The following TTC34 variants were observed in gnomAD, a reference collection of about 807,000 sequenced individuals.
The protein encoded by TTC34 is tetratricopeptide repeat domain 34, also known as tetratricopeptide repeat protein 34.
Under a neutral mutation model 40.7 loss-of-function variants are expected in TTC34, and 44 were observed. The ratio of observed to expected loss-of-function variants is 1.08; its 90% CI spans 0.85 to 1.39. The LOEUF is 1.39. Ranked by LOEUF, TTC34 falls within the 40% of genes most tolerant of loss-of-function variation. The probability of loss-of-function intolerance (pLI) is 0.00; values close to 1 mark genes in which losing one functional copy is unlikely to be tolerated. For synonymous variants in TTC34, 422 were observed against 398.6 expected (o/e 1.06, Z -0.70); for missense variants, 884 against 838.0 (o/e 1.05, Z -0.68).
chr1:2,796,271 A>G lies in TTC34; in HGVS notation c.784+3773T>C, dbSNP rs1643709507. ...AGCGACTGGTTTGTGCAATGTTTCC[A>G]AGGACTTTGGAAAGTAACCTCCAGA... On this transcript the variant is annotated intron_variant, in intron 2 of 8. Transcript: ENST00000401095. The surrounding 1 kb of genome is among the most constrained non-coding windows in gnomAD (Gnocchi z 4.5). 6.6e-6 allele frequency among the ~76,000 whole-genome samples: 1 copy of G among 152,224 alleles called. No individual in the cohort carries two copies. Among genetic ancestry groups the G allele is most frequent in the Admixed American group, 6.5e-5 (1 of 15,288 alleles).
chr1:2,762,094 C>T lies in TTC34; in HGVS notation c.2226+21515G>A, dbSNP rs1270887732. On this transcript the variant is annotated intron_variant, in intron 6 of 8. Coordinates refer to ENST00000401095, the Ensembl canonical transcript of TTC34. Reference sequence around the variant, plus strand: ...CAGCCTGGAGCAGCACACACAACCCCAGGCGAGCATCTGACAGCCTGGAGC... The same window carrying T: ...CAGCCTGGAGCAGCACACACAACCCTAGGCGAGCATCTGACAGCCTGGAGC... 1.8e-4 allele frequency among the ~76,000 whole-genome samples: 11 copies of T among 62,284 alleles called. 2 individuals are homozygous for T. The highest frequency in any genetic ancestry group is 2.9e-4 in the Non-Finnish European group (11 of 38,512). The allele number at this position is 62,284 out of a possible 152,430, so 40.9% of individuals were successfully genotyped here. A position where few individuals can be genotyped will look rare whatever the true frequency, so the allele number is the denominator to read the frequency against.
chr1:2,751,481 C>CCA (rs1641317579), intron 6 of TTC34, among the ~76,000 whole-genome samples: 1 of 113,854 alleles, frequency 8.8e-6, no homozygotes, highest in African/African-American at 3.9e-5. Flanking sequence ...GGAACTGCAC[C>CCA]CCCATGCCCA....
At chr1:2,759,252 T>TTC (rs1641610182) in intron 6 of TTC34, among the ~76,000 whole-genome samples, 1 of 81,994 alleles carries the variant, frequency 1.2e-5, no homozygotes, top group South Asian at 4.7e-4. Flanking sequence ...GGTGCGCACG[T>TTC]GACAGCCTGG....
intron 6 of TTC34, among the ~76,000 whole-genome samples, chr1:2,677,565 CACACACCCAGG>C (rs1639953931): frequency 9.4e-6 from 1 of 106,418 alleles, no homozygotes; most frequent in African/African-American, 3.4e-5. Flanking sequence ...GAGCAGCACC[CACACACCCAGG>C]TGATCATCTG....
intron 6 of TTC34, chr1:2,775,332 C>T (rs1361334456): frequency 1.3e-5 from 2 of 151,064 alleles, no homozygotes; most frequent in African/African-American, 2.5e-5. Flanking sequence ...ATCTGACTAC[C>T]TGGAACAGAA....
intron 6 of TTC34, among the ~76,000 whole-genome samples, chr1:2,688,412 C>T (rs1173462511): frequency 1.3e-5 from 2 of 152,138 alleles, no homozygotes; most frequent in East Asian, 1.9e-4. Flanking sequence ...ACCCACACCC[C>T]CAGGTGAGCA....
chr1:2,641,782 C>T (rs1398933740), exon 9 of TTC34: 6 of 1,535,104 alleles, frequency 3.9e-6, no homozygotes, highest in Non-Finnish European at 5.2e-6. Flanking sequence ...AGGTGGCCCG[C>T]AGACGCAGGT....
rs984342471 is a variant in TTC34, at chr1:2,777,694, G to T, written c.2226+5915C>A. ...GGTGAAGAGGCAGAGGGCATGGGGG[G>T]GGGGGCGCAGCATCAGCCCATATCC... On this transcript the variant is annotated intron_variant, in intron 6 of 8. Coordinates refer to ENST00000401095, the Ensembl canonical transcript of TTC34. Among the ~76,000 whole-genome samples, 18 of 151,860 alleles carry T rather than the reference G, an allele frequency of 1.2e-4. 3 individuals carry two copies. The South Asian group carries it at 1.5e-3, about 12-fold the overall frequency.
chr1:2,751,712 G>A (rs1641326449), intron 6 of TTC34, among the ~76,000 whole-genome samples: 14 of 151,064 alleles, frequency 9.3e-5, no homozygotes, highest in Non-Finnish European at 1.6e-4. Flanking sequence ...CCGACAGCCT[G>A]GAGCAGCACC....
intron 6 of TTC34, among the ~76,000 whole-genome samples, chr1:2,683,185 C>G (rs1640154550): frequency 6.9e-6 from 1 of 145,382 alleles, no homozygotes; most frequent in Non-Finnish European, 1.5e-5. Context: ...GGAGCGGAAC[C>G]CACGGCCACA....
At chr1:2,683,876 C>G (rs572364892) in intron 6 of TTC34, among the ~76,000 whole-genome samples, 18 of 131,124 alleles carry the variant, frequency 1.4e-4, no homozygotes, top group African/African-American at 2.8e-4. Context: ...ACCCACACCC[C>G]GAGGCGAGCA....
At chr1:2,680,477 G>A (rs1374600459) in intron 6 of TTC34, among the ~76,000 whole-genome samples, 317 of 101,486 alleles carry the variant, frequency 3.1e-3, no homozygotes, top group Non-Finnish European at 5.7e-3. Context: ...GAGAGCATCC[G>A]GCAGCCTGCA....
intron 6 of TTC34, among the ~76,000 whole-genome samples, chr1:2,672,477 C>A (rs1357873329): frequency 1.3e-5 from 1 of 77,846 alleles, no homozygotes; most frequent in Non-Finnish European, 2.9e-5. Context: ...CCCACAGCCC[C>A]ACACGAGCAT....
chr1:2,784,854 C>A (rs376816861), intron 5 of TTC34, among the ~76,000 whole-genome samples: 2 of 152,212 alleles, frequency 1.3e-5, no homozygotes, highest in African/African-American at 4.8e-5. Context: ...TCTCTTGCCT[C>A]GGCACCTAGG....
At chr1:2,798,722 T>C (rs1368644779) in intron 2 of TTC34, among the ~76,000 whole-genome samples, 6 of 16,828 alleles carry the variant, frequency 3.6e-4, no homozygotes, top group African/African-American at 9.8e-4. Context: ...TCTCAGCCTC[T>C]CAGCCCCTCA....
chr1:2,675,070 A>G (rs1639849231), intron 6 of TTC34, among the ~76,000 whole-genome samples: 1 of 125,936 alleles, frequency 7.9e-6, no homozygotes, highest in Non-Finnish European at 1.8e-5. Context: ...AGTCAGGAGC[A>G]GTGCCCACAC....
At chr1:2,787,167 G>A (rs1643601475) in intron 4 of TTC34, among the ~76,000 whole-genome samples, 1 of 152,220 alleles carries the variant, frequency 6.6e-6, no homozygotes, top group South Asian at 2.1e-4. Context: ...CCTGCAGTCG[G>A]TTCCTGGCCC....
At chr1:2,759,865 GAGTAGTATCCTGCACC>G (rs1641636087) in intron 6 of TTC34, among the ~76,000 whole-genome samples, 11 of 131,072 alleles carry the variant, frequency 8.4e-5, no homozygotes, top group Admixed American at 2.3e-4. Context: ...TGACAGCCTG[GAGTAGTATCCTGCACC>G]CTCAGGTGAG....
chr1:2,687,650 C>A (rs1303829564), intron 6 of TTC34, among the ~76,000 whole-genome samples: 11 of 151,434 alleles, frequency 7.3e-5, no homozygotes, highest in Non-Finnish European at 1.2e-4. Flanking sequence ...CCCACACCCC[C>A]AGGTGAGCAT....
Sources: gnomAD v4.1 joint callset for allele counts (sites outside exome capture counted in the v4.1 genomes callset) on GRCh38, gnomAD v4.1.1 for gene constraint, Gnocchi (gnomAD v3.1) non-coding constraint, MANE v1.5 for transcripts, NCBI Gene and HGNC (gene_info 2026-07-23, HGNC 2026-07-21) for gene names.